The following TRIM62 variants were observed in gnomAD, a reference collection of about 807,000 sequenced individuals.
The protein encoded by TRIM62 is tripartite motif containing 62.
In TRIM62, 39 loss-of-function variants were observed where a neutral mutation model predicts 44.2. That is an observed-to-expected ratio of 0.88 (90% CI 0.68 to 1.15). The LOEUF (loss-of-function observed/expected upper bound fraction) is 1.15. Among genes scored for constraint, TRIM62 ranks in the 50% most tolerant of loss-of-function variants. The pLI, the probability that TRIM62 is intolerant of heterozygous loss-of-function variation, is 0.00. For synonymous variants in TRIM62, 278 were observed against 292.3 expected, an observed-to-expected ratio of 0.95 and a Z score of 0.50; for missense variants, 544 against 665.5, an observed-to-expected ratio of 0.82 and a Z score of 2.01.
intron 1 of TRIM62, among the ~76,000 whole-genome samples, chr1:33,173,595 C>G (rs908234835): frequency 2.0e-5 from 3 of 152,080 alleles, no homozygotes; most frequent in African/African-American, 7.2e-5. Flanking sequence ...CATGCCTGTC[C>G]CTGGTCACAC....
At chr1:33,155,116 G>A (rs1339873706) in intron 4 of TRIM62, among the ~76,000 whole-genome samples, 1 of 145,544 alleles carries the variant, frequency 6.9e-6, no homozygotes, top group Non-Finnish European at 1.5e-5. Context: ...CTGTCGCCCA[G>A]GCTGTAGTGC....
intron 2 of TRIM62, among the ~76,000 whole-genome samples, 176 bp from the exon 3 acceptor site, chr1:33,160,120 A>G (rs142734815): frequency 4.6e-5 from 7 of 152,130 alleles, no homozygotes; most frequent in East Asian, 1.9e-4. Context: ...GGCATGTTCT[A>G]TGTGGTCCAT....
rs1570343938 is a variant in TRIM62, at chr1:33,181,530, C to G, written c.-98G>C. The G allele has an allele frequency of 1.7e-5, 25 of 1,448,352 alleles. No homozygotes were observed. In the East Asian group the frequency reaches 6.5e-4, roughly 38 times the overall value. 89.7% of individuals were successfully genotyped at this position (1,448,352 alleles called of 1,614,324 possible). On this transcript the variant is annotated 5_prime_UTR_variant, in exon 1 of 5. Transcript: ENST00000291416. This position sits in a 1 kb window ranked among gnomAD's most constrained non-coding sequence, Gnocchi z 6.5. Reference sequence around the variant, plus strand: ...CAGCACCGAGGGCTGGGCGCGGGGACGAGGCCCGCACAGGCAGGGGTAGGA... The same window carrying G: ...CAGCACCGAGGGCTGGGCGCGGGGAGGAGGCCCGCACAGGCAGGGGTAGGA...
At chr1:33,174,962 TATATATAC>T (rs112210266) in intron 1 of TRIM62, among the ~76,000 whole-genome samples, 1,552 of 102,404 alleles carry the variant, frequency 0.015, 32 homozygotes, top group African/African-American at 0.053. Flanking sequence ...TATATATATA[TATATATAC>T]ACACATATAC....
chr1:33,165,631 C>G lies in TRIM62; in HGVS notation c.409-65G>C. ...GCCTGGCCCAGGCATTCAGCCCTGACCACTGCCAGGCGCTGGGGGTTAGCC... is the reference window on the plus strand; with the variant it reads ...GCCTGGCCCAGGCATTCAGCCCTGAGCACTGCCAGGCGCTGGGGGTTAGCC... On this transcript the variant is annotated intron_variant, in intron 1 of 4. Coordinates refer to ENST00000291416, the MANE Select transcript of TRIM62 (RefSeq NM_018207.3). The surrounding 1 kb of genome is among the most constrained non-coding windows in gnomAD (Gnocchi z 4.0). 1.4e-6 allele frequency: 2 copies of G among 1,419,384 alleles called. No individual in the cohort carries two copies. Among genetic ancestry groups the G allele is most frequent in the Non-Finnish European group, 1.9e-6 (2 of 1,052,038 alleles). 87.9% of individuals were successfully genotyped at this position (1,419,384 alleles called of 1,614,324 possible).
At chr1:33,179,089 A>T (rs1645442129) in intron 1 of TRIM62, among the ~76,000 whole-genome samples, 1 of 152,228 alleles carries the variant, frequency 6.6e-6, no homozygotes, top group African/African-American at 2.4e-5. Context: ...CTCACTTTCC[A>T]TTCCTACATG....
chr1:33,172,905 C>T (rs987677793), intron 1 of TRIM62, among the ~76,000 whole-genome samples: 2 of 152,198 alleles, frequency 1.3e-5, no homozygotes, highest in East Asian at 3.8e-4. Context: ...GGCTCACCTC[C>T]GCAAGCTTTC....
At chr1:33,172,639 T>G (rs1269534287) in intron 1 of TRIM62, among the ~76,000 whole-genome samples, 4 of 152,158 alleles carry the variant, frequency 2.6e-5, no homozygotes, top group Non-Finnish European at 5.9e-5. Context: ...CACACAGTTA[T>G]GCAAATATGC....
rs1570343468 is a variant in TRIM62, at chr1:33,181,256, C to T, written c.177G>A (p.Glu59=). 6.5e-7 allele frequency: 1 copy of T among 1,548,068 alleles called. No homozygotes were observed. The highest frequency in any genetic ancestry group is 2.0e-5 in the Admixed American group (1 of 51,042). Residue 59 remains glutamate (E), a synonymous_variant, in exon 1 of 5, where the codon GAG becomes GAA. Transcript: ENST00000291416. This position sits in a 1 kb window ranked among gnomAD's most constrained non-coding sequence, Gnocchi z 6.5. ...GCTTGAGGCTGGGCGCCAGCGCGGG[C>T]TCGGCGAACGTGCGCCGGCACTCGG... ...DCPECRRTFA[E]PALAPSLKLA...
At chr1:33,158,624 A>G (rs1037350760) in intron 3 of TRIM62, among the ~76,000 whole-genome samples, 1 of 152,226 alleles carries the variant, frequency 6.6e-6, no homozygotes, top group African/African-American at 2.4e-5. Context: ...GGCATAACAT[A>G]TACAGATGCT....
chr1:33,168,489 T>A (rs576564417), intron 1 of TRIM62, among the ~76,000 whole-genome samples: 1 of 152,314 alleles, frequency 6.6e-6, no homozygotes, highest in Non-Finnish European at 1.5e-5. Context: ...GGACTTGGCA[T>A]TGGGATGAGA....
chr1:33,159,696 C>T lies in TRIM62; in HGVS notation c.753G>A (p.Leu251=). ...RHTFLAGVAS[L]SERLKGKIHE... Reference sequence around the variant, plus strand: ...CGGCGGGTGGCACTTACCGCTCGGACAGTGAGGCCACCCCAGCCAGGAAGG... The same window carrying T: ...CGGCGGGTGGCACTTACCGCTCGGATAGTGAGGCCACCCCAGCCAGGAAGG... The change falls in exon 3 of 5, where the codon CTG becomes CTA. Residue 251 remains leucine (L), a synonymous_variant. Coordinates refer to ENST00000291416, the MANE Select transcript of TRIM62 (RefSeq NM_018207.3). This position sits in a 1 kb window ranked among gnomAD's most constrained non-coding sequence, Gnocchi z 4.2. 6.2e-7 allele frequency: 1 copy of T among 1,607,614 alleles called. No homozygotes were observed. The highest frequency in any genetic ancestry group is 1.3e-5 in the African/African-American group (1 of 75,040).
intron 1 of TRIM62, among the ~76,000 whole-genome samples, chr1:33,169,470 A>G (rs1173134778): frequency 6.6e-6 from 1 of 152,116 alleles, no homozygotes; most frequent in African/African-American, 2.4e-5. Context: ...CTGCTGCTCC[A>G]AGTGCCCTGC....
chr1:33,166,084 GA>G (rs1393321487), intron 1 of TRIM62: 1 of 152,400 alleles, frequency 6.6e-6, no homozygotes, highest in African/African-American at 2.4e-5. Context: ...ACAGGAGTGT[GA>G]ACTGCACATG....
Position 33,181,358 on chromosome 1 carries a change from G to A in TRIM62, c.75C>T (p.Gly25=). ...AGCGGCGGCAGAAGTAATGCTCGCA[G>A]CCCAGGCTCACCGGGTCCTGGTAGA... ...LSIYQDPVSL[G]CEHYFCRRCI... is the part of the protein sequence containing the mutation. Residue 25 remains glycine, a synonymous_variant, in exon 1 of 5, where the codon GGC becomes GGT. Transcript: ENST00000291416. This position sits in a 1 kb window ranked among gnomAD's most constrained non-coding sequence, Gnocchi z 6.5. The A allele has an allele frequency of 6.3e-7, 1 of 1,594,644 alleles. No individual in the cohort carries two copies. The highest frequency in any genetic ancestry group is 8.5e-7 in the Non-Finnish European group (1 of 1,173,882).
rs1249122635 is a variant in TRIM62, at chr1:33,157,544, TC to T, written c.877+708del. Among the ~76,000 whole-genome samples, 1,269 of 152,272 alleles carry T rather than the reference TC, an allele frequency of 8.3e-3. 17 individuals are homozygous for T. The highest frequency in any genetic ancestry group is 0.029 in the African/African-American group (1,204 of 41,552). On this transcript the variant is annotated intron_variant, in intron 4 of 4. Coordinates refer to ENST00000291416, the MANE Select transcript of TRIM62 (RefSeq NM_018207.3). Reference sequence around the variant, plus strand: ...TCTGTATTTTTCTGATTTACTTTTGTCTACTTTCTATCTCACACCCTAGGAT... The same window carrying T: ...TCTGTATTTTTCTGATTTACTTTTGTTACTTTCTATCTCACACCCTAGGAT...
Position 33,159,653 on chromosome 1 carries a change from G to T in TRIM62, c.761+35C>A. On this transcript the variant is annotated intron_variant, in intron 3 of 4. Coordinates refer to ENST00000291416, the MANE Select transcript of TRIM62 (RefSeq NM_018207.3). This position sits in a 1 kb window ranked among gnomAD's most constrained non-coding sequence, Gnocchi z 4.2. ...CCCAGCATGGGTCGAGGAGGGGATG[G>T]TCAGCCGGGGAGGGCCCCGGCGGGT... 1 of 1,582,172 alleles carries T rather than the reference G, an allele frequency of 6.3e-7. No individual in the cohort carries two copies. The highest frequency in any genetic ancestry group is 8.6e-7 in the Non-Finnish European group (1 of 1,164,632).
chr1:33,149,409 CT>C (rs1645065944), intron 4 of TRIM62, among the ~76,000 whole-genome samples: 1 of 151,732 alleles, frequency 6.6e-6, no homozygotes, highest in Non-Finnish European at 1.5e-5. Flanking sequence ...CCACCTCGGC[CT>C]CCCAAAGTTC....
chr1:33,174,537 C>T (rs1645398615), intron 1 of TRIM62, among the ~76,000 whole-genome samples: 1 of 152,074 alleles, frequency 6.6e-6, no homozygotes, highest in Non-Finnish European at 1.5e-5. Context: ...GCAATGAGAT[C>T]CATCTCATAG....
Sources: gnomAD v4.1 joint callset for allele counts (sites outside exome capture counted in the v4.1 genomes callset) on GRCh38, gnomAD v4.1.1 for gene constraint, Gnocchi (gnomAD v3.1) non-coding constraint, MANE v1.5 for transcripts, NCBI Gene and HGNC (gene_info 2026-07-23, HGNC 2026-07-21) for gene names.